Variants in MACROD2 observed in about 807,000 individuals in gnomAD.
The protein encoded by MACROD2 is mono-ADP ribosylhydrolase 2, also known as ADP-ribose glycohydrolase MACROD2.
MACROD2 carries 36 observed loss-of-function variants against 70.4 expected under a neutral mutation model. The observed-to-expected ratio is 0.51, with a 90% confidence interval of 0.39 to 0.68. The LOEUF (loss-of-function observed/expected upper bound fraction) is 0.68. MACROD2 is among the 30% of genes least tolerant of loss of function. MACROD2 has a pLI of 0.00. For missense variants in MACROD2, 496 were observed against 538.4 expected (o/e 0.92, Z 0.78); for synonymous variants, 172 against 178.8 (o/e 0.96, Z 0.30).
At chr20:15,341,091 A>T (rs2078105707) in intron 6 of MACROD2, among the ~76,000 whole-genome samples, 2 of 152,186 alleles carry the variant, frequency 1.3e-5, no homozygotes, top group Non-Finnish European at 2.9e-5. Context: ...TTCTGTAATG[A>T]TGCATAGACG....
intron 9 of MACROD2, among the ~76,000 whole-genome samples, chr20:15,866,818 A>G (rs1043034413): frequency 3.3e-5 from 5 of 152,214 alleles, no homozygotes; most frequent in African/African-American, 1.2e-4. Context: ...ATTGAATTCC[A>G]TTCACATTAT....
At chr20:15,339,155 TATAA>T (rs1372324071) in intron 6 of MACROD2, among the ~76,000 whole-genome samples, 1 of 151,818 alleles carries the variant, frequency 6.6e-6, no homozygotes, top group Admixed American at 6.6e-5. Flanking sequence ...TTTGGGTATG[TATAA>T]ATAGATAGGT....
chr20:14,398,104 G>C (rs2083599922), intron 3 of MACROD2, among the ~76,000 whole-genome samples: 1 of 152,060 alleles, frequency 6.6e-6, no homozygotes, highest in South Asian at 2.1e-4. Flanking sequence ...GTGTGTGTGT[G>C]TCTGTGTGTA....
intron 4 of MACROD2, among the ~76,000 whole-genome samples, chr20:14,524,174 G>A (rs2423796): frequency 0.82 from 124,713 of 152,174 alleles, 51,508 homozygotes; most frequent in East Asian, 1. Context: ...ACCAGGACCT[G>A]TAGTCACTCT....
intron 3 of MACROD2, among the ~76,000 whole-genome samples, chr20:14,350,181 A>G (rs1024122706): frequency 2.6e-5 from 4 of 152,130 alleles, no homozygotes; most frequent in African/African-American, 9.7e-5. Flanking sequence ...GCAGTTCTGG[A>G]ACAAACATGA....
rs1424691649 is a variant in MACROD2, at chr20:16,035,160, T to C, written c.1154-6041T>C. Among the ~76,000 whole-genome samples, 2 of 63,130 alleles carry C rather than the reference T, an allele frequency of 3.2e-5. 1 individual carries two copies. The allele number at this position is 63,130 out of a possible 152,430, so 41.4% of individuals were successfully genotyped here. ...ATTATATATTATATATAAAATATAA[T>C]ATAAAATATAAAATATTATATATTA... On this transcript the variant is annotated intron_variant, in intron 15 of 17. Coordinates refer to ENST00000684519, the MANE Select transcript of MACROD2 (RefSeq NM_001351661.2).
intron 5 of MACROD2, among the ~76,000 whole-genome samples, chr20:14,943,268 A>G (rs548400679): frequency 1.4e-4 from 22 of 152,158 alleles, no homozygotes; most frequent in Non-Finnish European, 2.8e-4. Flanking sequence ...AAGTGAGAGA[A>G]TAATTAGAAG....
chr20:14,780,893 G>T (rs533505759), intron 5 of MACROD2, among the ~76,000 whole-genome samples: 34 of 152,052 alleles, frequency 2.2e-4, no homozygotes, highest in African/African-American at 6.8e-4. Flanking sequence ...CTTTTACAAA[G>T]AAACTTTTTT....
At position 15,687,468 on chromosome 20, in the gene MACROD2, C is replaced by T. The variant is rs149256999; in HGVS notation, c.646-175277C>T. ...ACAGTGCCTTGGAGCATCTGGACAC[C>T]GGTCATTGACTTTCTATTCTGACAT... On this transcript the variant is annotated intron_variant, in intron 8 of 17. Coordinates refer to ENST00000684519, the MANE Select transcript of MACROD2 (RefSeq NM_001351661.2). Among the ~76,000 whole-genome samples, 703 of 151,828 alleles carry T rather than the reference C, an allele frequency of 4.6e-3. 3 individuals are homozygous for T. The highest frequency in any genetic ancestry group is 5.6e-3 in the Non-Finnish European group (381 of 67,974).
intron 3 of MACROD2, among the ~76,000 whole-genome samples, chr20:14,432,116 C>T (rs1183911704): frequency 1.3e-5 from 2 of 152,128 alleles, no homozygotes; most frequent in East Asian, 1.9e-4. Flanking sequence ...CTCCTTAGAG[C>T]GTACAGGGCC....
chr20:15,529,488 C>A (rs1233740), intron 8 of MACROD2, among the ~76,000 whole-genome samples: 1 of 152,094 alleles, frequency 6.6e-6, no homozygotes, highest in South Asian at 2.1e-4. Context: ...AATTAAACGT[C>A]TATGTAAAGA....
intron 8 of MACROD2, among the ~76,000 whole-genome samples, chr20:15,840,383 G>C (rs746713794): frequency 7.9e-5 from 12 of 152,166 alleles, no homozygotes; most frequent in African/African-American, 1.2e-4. Context: ...AACATGTGTG[G>C]TTGGTTGACT....
intron 5 of MACROD2, among the ~76,000 whole-genome samples, chr20:14,943,965 A>G (rs1382162834): frequency 2.0e-5 from 3 of 152,142 alleles, no homozygotes; most frequent in Non-Finnish European, 4.4e-5. Context: ...CCATTCAGTA[A>G]TTTTACTATC....
At chr20:15,739,498 G>T (rs2051073861) in intron 8 of MACROD2, among the ~76,000 whole-genome samples, 1 of 152,152 alleles carries the variant, frequency 6.6e-6, no homozygotes, top group Admixed American at 6.6e-5. Context: ...GCAGAAAATA[G>T]TCGTCTCTTA....
intron 5 of MACROD2, among the ~76,000 whole-genome samples, chr20:14,948,272 G>T (rs1447732058): frequency 6.6e-6 from 1 of 152,150 alleles, no homozygotes; most frequent in African/African-American, 2.4e-5. Context: ...GATGGGAGTG[G>T]GGAATGGCTG....
intron 8 of MACROD2, among the ~76,000 whole-genome samples, chr20:15,651,173 C>T (rs571834570): frequency 2.1e-4 from 32 of 152,310 alleles, no homozygotes; most frequent in African/African-American, 7.2e-4. Flanking sequence ...GCCCCAGAGG[C>T]GGTCCTTGTG....
At chr20:14,755,309 A>G (rs2071925539) in intron 5 of MACROD2, among the ~76,000 whole-genome samples, 1 of 152,088 alleles carries the variant, frequency 6.6e-6, no homozygotes, top group African/African-American at 2.4e-5. Flanking sequence ...CACCTCAGCC[A>G]TGTTCTCATC....
intron 4 of MACROD2, among the ~76,000 whole-genome samples, chr20:14,507,784 A>C (rs2084985817): frequency 6.6e-6 from 1 of 152,174 alleles, no homozygotes; most frequent in Non-Finnish European, 1.5e-5. Context: ...TCCGTGATAC[A>C]GTTTGCTGAT....
chr20:15,544,370 C>A (rs188847419), intron 8 of MACROD2, among the ~76,000 whole-genome samples: 3 of 152,262 alleles, frequency 2.0e-5, no homozygotes, highest in Admixed American at 1.3e-4. Context: ...AAGAATTTTT[C>A]TCAATTGTTT....
Sources: gnomAD v4.1 joint callset for allele counts (sites outside exome capture counted in the v4.1 genomes callset) on GRCh38, gnomAD v4.1.1 for gene constraint, MANE v1.5 for transcripts, NCBI Gene and HGNC (gene_info 2026-07-23, HGNC 2026-07-21) for gene names.